ATP13A4: variants seen among roughly 807,000 people sequenced by gnomAD.
ATP13A4 encodes probable cation-transporting ATPase 13A4.
Under a neutral mutation model 142.5 loss-of-function variants are expected in ATP13A4, and 114 were observed. The observed-to-expected ratio is 0.80, with a 90% CI of 0.69 to 0.93. The LOEUF (loss-of-function observed/expected upper bound fraction) is 0.93, where lower values mean the gene tolerates loss of function less well. Ranked by LOEUF, ATP13A4 falls within the 40% of genes least tolerant of loss-of-function variation. ATP13A4 has a pLI of 0.00. For missense variants in ATP13A4, 1,392 were observed against 1,454.0 expected (o/e 0.96, Z 0.69); for synonymous variants, 488 against 514.8 (o/e 0.95, Z 0.70).
chr3:193,557,414 C>CAGAA (rs1014163007), upstream of ATP13A4, among the ~76,000 whole-genome samples: 1 of 152,138 alleles, frequency 6.6e-6, no homozygotes, highest in Non-Finnish European at 1.5e-5. Flanking sequence ...TAACCATAAC[C>CAGAA]AGAAACAGGG....
At chr3:193,513,150 C>T (rs945648013) in intron 2 of ATP13A4, among the ~76,000 whole-genome samples, 1 of 152,138 alleles carries the variant, frequency 6.6e-6, no homozygotes, top group East Asian at 1.9e-4. Flanking sequence ...TTGAAGGGAC[C>T]AAGATCCAGA....
At chr3:193,460,587 T>A (rs974731595) in intron 13 of ATP13A4, among the ~76,000 whole-genome samples, 4 of 152,232 alleles carry the variant, frequency 2.6e-5, no homozygotes, top group Admixed American at 2.6e-4. Flanking sequence ...CAATGGTATT[T>A]TAGTAAATAT....
At position 193,467,348 on chromosome 3, in the gene ATP13A4, G is replaced by C; in HGVS notation, c.1082C>G (p.Ser361Cys). ...CAGTACCACGGCTCTCACGGTCCCAGAGCAAGCTGCCTTGGCCTGGATAAC... is the reference window on the plus strand; with the variant it reads ...CAGTACCACGGCTCTCACGGTCCCACAGCAAGCTGCCTTGGCCTGGATAAC... ...TEVIQAKAAC[S>C]GTVRAVVLQT... Residue 361 changes from serine to cysteine, a missense_variant, in exon 10 of 30, where the codon TCT (serine) becomes TGT (cysteine). Ser to Cys is a moderately radical substitution (Grantham distance 112, BLOSUM62 -1). Transcript: ENST00000342695. 1 of 1,614,170 alleles carries C rather than the reference G, an allele frequency of 6.2e-7. No individual in the cohort carries two copies. The highest frequency in any genetic ancestry group is 1.7e-5 in the Admixed American group (1 of 60,028).
intron 1 of ATP13A4, among the ~76,000 whole-genome samples, chr3:193,547,461 C>T (rs138040477): frequency 6.6e-6 from 1 of 152,218 alleles, no homozygotes; most frequent in African/African-American, 2.4e-5. Context: ...GTGTATTCCC[C>T]CACCTGATTC....
At position 193,402,393 on chromosome 3, in the gene ATP13A4, C is replaced by T. The variant is rs942575656; in HGVS notation, c.*259G>A. On this transcript the variant is annotated 3_prime_UTR_variant, in exon 30 of 30. Coordinates refer to ENST00000342695, the MANE Select transcript of ATP13A4 (RefSeq NM_032279.4). ...CCTTTAGCCTGCTTGTCTCTTGGCC[C>T]ATAGAAATTCTTGGCCCATTCTTGC... 3 of 460,722 alleles carry T rather than the reference C, an allele frequency of 6.5e-6. No homozygotes were observed. The East Asian group carries it at 1.3e-4, about 20-fold the overall frequency. 28.5% of individuals were successfully genotyped at this position (460,722 alleles called of 1,614,324 possible).
intron 25 of ATP13A4, among the ~76,000 whole-genome samples, chr3:193,416,020 A>T (rs1166038986): frequency 3.3e-5 from 5 of 152,202 alleles, no homozygotes; most frequent in African/African-American, 1.2e-4. Flanking sequence ...GTACTCCAGC[A>T]CAGAAATAAT....
chr3:193,483,894 T>C (rs2108658576), intron 8 of ATP13A4, 42 bp downstream of exon 8: 3 of 1,389,614 alleles, frequency 2.2e-6, no homozygotes, highest in Non-Finnish European at 3.1e-6. Context: ...TCTTTTCTGA[T>C]TCCATGTGAA....
At chr3:193,414,439 C>G (rs1354714713) in intron 26 of ATP13A4, 140 bp downstream of exon 26, 13 of 788,718 alleles carry the variant, frequency 1.6e-5, no homozygotes, top group Non-Finnish European at 2.8e-5. Flanking sequence ...AAGAAATAAT[C>G]ACTGAAAATT....
At chr3:193,552,256 G>A (rs1039528932) in intron 1 of ATP13A4, among the ~76,000 whole-genome samples, 2 of 152,234 alleles carry the variant, frequency 1.3e-5, no homozygotes, top group Non-Finnish European at 2.9e-5. Context: ...ACAGGCACGA[G>A]CCACCATGCC....
At chr3:193,505,318 G>C (rs1037953866) in intron 2 of ATP13A4, among the ~76,000 whole-genome samples, 1 of 152,142 alleles carries the variant, frequency 6.6e-6, no homozygotes, top group South Asian at 2.1e-4. Context: ...CCTCCAGACT[G>C]TAATGCCTAA....
chr3:193,463,348 TA>T (rs1255945964), intron 12 of ATP13A4, among the ~76,000 whole-genome samples: 1 of 148,202 alleles, frequency 6.7e-6, no homozygotes, highest in Non-Finnish European at 1.5e-5. Context: ...AATATGTCAT[TA>T]AAATAAGGAA....
rs58979821 is a variant in ATP13A4, at chr3:193,412,506, AACACACACACACACACACACACACAC to A, written c.3015-161_3015-136del. 15 of 509,752 alleles carry A rather than the reference AACACACACACACACACACACACACAC, an allele frequency of 2.9e-5. No homozygotes were observed. In the East Asian group the frequency reaches 5.2e-4, roughly 18 times the overall value. 31.6% of individuals were successfully genotyped at this position (509,752 alleles called of 1,614,324 possible). A position where few individuals can be genotyped will look rare whatever the true frequency, so the allele number is the denominator to read the frequency against. ...TTCTACAATTGCCTGTGCTTTGGAAAACACACACACACACACACACACACACACACACACACACACACACACACTGA... is the reference window on the plus strand; with the variant it reads ...TTCTACAATTGCCTGTGCTTTGGAAAACACACACACACACACACACACTGA... On this transcript the variant is annotated intron_variant, in intron 26 of 29. Transcript: ENST00000342695.
At chr3:193,486,863 T>G (rs574564165) in intron 7 of ATP13A4, among the ~76,000 whole-genome samples, 1 of 152,136 alleles carries the variant, frequency 6.6e-6, no homozygotes, top group Non-Finnish European at 1.5e-5. Flanking sequence ...ATTTTTTAAA[T>G]AGCAAGTTAG....
chr3:193,457,567 A>G (rs1717703055), intron 14 of ATP13A4, 102 bp from the exon 15 acceptor site: 1 of 1,083,848 alleles, frequency 9.2e-7, no homozygotes, highest in Non-Finnish European at 1.4e-6. Flanking sequence ...AGACCACCTC[A>G]ATGTGTTTTC....
chr3:193,402,246 G>A lies in ATP13A4; in HGVS notation c.*406C>T, dbSNP rs531866884. ...TTTCCCACGCATTAGTTTTTCCATC[G>A]ATGAAGTAAAAATTCAAAAATTACA... is the stretch of plus-strand genomic sequence containing the variant. On this transcript the variant is annotated 3_prime_UTR_variant, in exon 30 of 30. Transcript: ENST00000342695. 1.4e-4 allele frequency: 24 copies of A among 174,014 alleles called. No homozygotes were observed. The South Asian group carries it at 2.6e-3, about 19-fold the overall frequency. The allele number at this position is 174,014 out of a possible 1,614,324, so 10.8% of individuals were successfully genotyped here.
intron 29 of ATP13A4, chr3:193,404,145 A>C: frequency 2.0e-6 from 2 of 985,392 alleles, no homozygotes; most frequent in Non-Finnish European, 2.4e-6. Context: ...AATTGACGTG[A>C]AAACAGTAGT....
chr3:193,561,976 C>G (rs1004139169), intron 2 of ATP13A4, among the ~76,000 whole-genome samples: 1 of 152,200 alleles, frequency 6.6e-6, no homozygotes, highest in Non-Finnish European at 1.5e-5. Flanking sequence ...CAATCCTCTC[C>G]TCCTTTCATC....
intron 1 of ATP13A4, among the ~76,000 whole-genome samples, chr3:193,590,964 A>G (rs994220302): frequency 2.6e-5 from 4 of 152,206 alleles, no homozygotes; most frequent in African/African-American, 9.6e-5. Context: ...TTTTGTATAT[A>G]AGAATTGAAG....
intron 1 of ATP13A4, among the ~76,000 whole-genome samples, chr3:193,520,940 C>G (rs535038063): frequency 6.6e-6 from 1 of 152,148 alleles, no homozygotes; most frequent in South Asian, 2.1e-4. Context: ...TGTCACCTCT[C>G]TGGTCATTGA....
Sources: allele counts gnomAD v4.1 joint callset (sites outside exome capture counted in the v4.1 genomes callset), GRCh38; gene constraint gnomAD v4.1.1; transcripts MANE v1.5; gene names NCBI Gene and HGNC (gene_info 2026-07-23, HGNC 2026-07-21).